LARP4B: variants seen among roughly 807,000 people sequenced by gnomAD.
LARP4B encodes La ribonucleoprotein 4B.
In LARP4B, 12 loss-of-function variants were observed where a neutral mutation model predicts 89.8. The ratio of observed to expected loss-of-function variants is 0.13; its 90% CI spans 0.09 to 0.22. The LOEUF is 0.22. LARP4B is among the 10% of genes least tolerant of loss of function. The pLI, the probability that LARP4B is intolerant of heterozygous loss-of-function variation, is 1.00. For missense variants in LARP4B, 757 were observed against 947.7 expected (o/e 0.80, Z 2.64); for synonymous variants, 367 against 363.3 (o/e 1.01, Z -0.12).
chr10:937,595 C>T, the LARP4B span, among the ~76,000 whole-genome samples: 1 of 152,122 alleles, frequency 6.6e-6, no homozygotes, highest in South Asian at 2.1e-4. Flanking sequence ...GACCCCCCCT[C>T]CCCCACACCA....
At chr10:850,069 C>T (rs1447971924) in intron 5 of LARP4B, among the ~76,000 whole-genome samples, 2 of 152,148 alleles carry the variant, frequency 1.3e-5, no homozygotes, top group Non-Finnish European at 2.9e-5. Flanking sequence ...GACAAATGTA[C>T]CATATTAATG....
the LARP4B span, among the ~76,000 whole-genome samples, chr10:977,399 C>T: frequency 2.4e-4 from 36 of 152,108 alleles, no homozygotes; most frequent in African/African-American, 6.8e-4. Flanking sequence ...CCCAGCTGGG[C>T]GCTGTGATGC....
At chr10:835,569 T>C (rs191769725) in intron 8 of LARP4B, among the ~76,000 whole-genome samples, 319 of 152,346 alleles carry the variant, frequency 2.1e-3, no homozygotes, top group African/African-American at 7.2e-3. Flanking sequence ...TGACCATCAG[T>C]GTGTTTACTA....
At chr10:823,002 T>C (rs1832435780) in intron 13 of LARP4B, among the ~76,000 whole-genome samples, 1 of 152,152 alleles carries the variant, frequency 6.6e-6, no homozygotes, top group Non-Finnish European at 1.5e-5. Flanking sequence ...GGTGGAGGCA[T>C]GGCTGCTGTG....
At chr10:896,569 T>C (rs1228619695) in intron 1 of LARP4B, among the ~76,000 whole-genome samples, 1 of 152,228 alleles carries the variant, frequency 6.6e-6, no homozygotes, top group Non-Finnish European at 1.5e-5. Flanking sequence ...AAAATACTAC[T>C]ACCTTTCATA....
intron 1 of LARP4B, among the ~76,000 whole-genome samples, chr10:919,388 C>G (rs1014845038): frequency 5.3e-5 from 8 of 152,162 alleles, no homozygotes; most frequent in African/African-American, 1.9e-4. Flanking sequence ...AAGCAAGAAG[C>G]TATAAAGTTC....
intron 5 of LARP4B, among the ~76,000 whole-genome samples, chr10:848,038 G>A (rs1244381519): frequency 6.6e-6 from 1 of 152,202 alleles, no homozygotes; most frequent in Non-Finnish European, 1.5e-5. Flanking sequence ...GACCCATCAC[G>A]TTGTCAGCCA....
chr10:979,804 T>C, the LARP4B span, among the ~76,000 whole-genome samples: 1 of 152,048 alleles, frequency 6.6e-6, no homozygotes, highest in Non-Finnish European at 1.5e-5. Context: ...ACCCCGTCTC[T>C]ACTAAACATA....
chr10:946,378 G>A, the LARP4B span, among the ~76,000 whole-genome samples: 1 of 152,196 alleles, frequency 6.6e-6, no homozygotes, highest in South Asian at 2.1e-4. Context: ...CCTCTAAAGC[G>A]AAAATACAAA....
chr10:900,420 CTTTTTTTTTTTTTTTTTTT>C (rs529963345), intron 1 of LARP4B, among the ~76,000 whole-genome samples: 4 of 45,230 alleles, frequency 8.8e-5, no homozygotes, highest in Admixed American at 3.9e-4. Flanking sequence ...AGAAGGATGT[CTTTTTTTTTTTTTTTTTTT>C]TTTTTTTTTT....
Position 863,894 on chromosome 10 carries a change from G to C in LARP4B, c.290-11C>G. On this transcript the variant is annotated splice_polypyrimidine_tract_variant and intron_variant, in intron 4 of 17. Coordinates refer to ENST00000316157, the MANE Select transcript of LARP4B (RefSeq NM_015155.3). ...CATTGGCATCCGATCCTACAATTAG[G>C]AGTTTACCCCAAAAAGGCAGGGTTA... 5 of 1,605,196 alleles carry C rather than the reference G, an allele frequency of 3.1e-6. No homozygotes were observed. The highest frequency in any genetic ancestry group is 4.2e-6 in the Non-Finnish European group (5 of 1,177,584).
rs188683384 is a variant in LARP4B at position 908,886 on chromosome 10, T to A, written c.-40+22542A>T. The stretch of plus-strand genomic sequence containing the variant: ...GGGGGGGGCCTCCCTTGCCAGGTGG[T>A]GAGGGGCCGACCCACCTCTCCTCCT... On this transcript the variant is annotated intron_variant, in intron 1 of 17. Transcript: ENST00000316157. Among the ~76,000 whole-genome samples the A allele has an allele frequency of 8.0e-3, 1,213 of 152,046 alleles. 13 individuals are homozygous for A. The highest frequency in any genetic ancestry group is 8.8e-3 in the Non-Finnish European group (601 of 67,972).
chr10:865,270 G>A (rs1834841003), intron 3 of LARP4B, among the ~76,000 whole-genome samples: 1 of 152,150 alleles, frequency 6.6e-6, no homozygotes, highest in Non-Finnish European at 1.5e-5. Flanking sequence ...GACAGCTGTG[G>A]AACATGGGCT....
intron 1 of LARP4B, among the ~76,000 whole-genome samples, chr10:918,274 T>C (rs951385902): frequency 6.6e-6 from 1 of 152,194 alleles, no homozygotes; most frequent in Non-Finnish European, 1.5e-5. Context: ...GCAATCATCA[T>C]GCTTGGCCCA....
At position 872,959 on chromosome 10, in the gene LARP4B, G is replaced by A. The variant is rs151164162; in HGVS notation, c.142-8689C>T. On this transcript the variant is annotated intron_variant, in intron 3 of 17. Transcript: ENST00000316157. ...CGAAAATCCTTGTCCGCGCGCTAAC[G>A]CCAGCTACACTGCTGGCTCCACTGC... The A allele has an allele frequency of 1.0e-3, 974 of 931,962 alleles. 1 individual carries two copies. Among genetic ancestry groups the A allele is most frequent in the Non-Finnish European group, 1.1e-3 (830 of 781,006 alleles). 57.7% of individuals were successfully genotyped at this position (931,962 alleles called of 1,614,324 possible). A position where few individuals can be genotyped will look rare whatever the true frequency, so the allele number is the denominator to read the frequency against.
intron 5 of LARP4B, among the ~76,000 whole-genome samples, chr10:846,687 G>C (rs772471764): frequency 6.6e-6 from 1 of 152,188 alleles, no homozygotes; most frequent in African/African-American, 2.4e-5. Context: ...TATCTCTCTG[G>C]TTCCATGGTG....
the LARP4B span, among the ~76,000 whole-genome samples, chr10:973,271 A>AC: frequency 6.6e-6 from 1 of 152,102 alleles, no homozygotes; most frequent in Non-Finnish European, 1.5e-5. Context: ...CCTCTTCCTC[A>AC]CACAGGGCAT....
At chr10:978,732 T>G in the LARP4B span, among the ~76,000 whole-genome samples, 1 of 152,332 alleles carries the variant, frequency 6.6e-6, no homozygotes, top group Admixed American at 6.5e-5. Flanking sequence ...ATTACTATTG[T>G]TTTTTATGCA....
the LARP4B span, among the ~76,000 whole-genome samples, chr10:941,946 C>T: frequency 6.6e-6 from 1 of 152,026 alleles, no homozygotes; most frequent in Admixed American, 6.6e-5. Context: ...TGGCTCAGTA[C>T]ATTTTTTTAA....
Sources: allele counts gnomAD v4.1 joint callset (sites outside exome capture counted in the v4.1 genomes callset), GRCh38; gene constraint gnomAD v4.1.1; transcripts MANE v1.5; gene names NCBI Gene and HGNC (gene_info 2026-07-23, HGNC 2026-07-21).